The following CD99L2 variants were observed in gnomAD, a reference collection of about 807,000 sequenced individuals.
CD99L2 encodes CD99 molecule like 2.
Under a neutral mutation model 27.3 loss-of-function variants are expected in CD99L2, and 24 were observed. That is an observed-to-expected ratio of 0.88 (90% CI 0.64 to 1.24). CD99L2 has a LOEUF of 1.24. CD99L2 is among the 50% of genes most tolerant of loss of function. The pLI, the probability that CD99L2 is intolerant of heterozygous loss-of-function variation, is 0.00. For synonymous variants in CD99L2, 97 were observed against 87.9 expected (o/e 1.10, Z -0.58); for missense variants, 255 against 221.6 (o/e 1.15, Z -0.96).
intron 1 of CD99L2, among the ~76,000 whole-genome samples, chrX:150,878,047 A>C (rs905965099): frequency 3.1e-4 from 33 of 108,133 alleles, no homozygotes; most frequent in Non-Finnish European, 5.2e-4. Context: ...CTTAGAGAAC[A>C]TAGTAGGGGG....
intron 1 of CD99L2, among the ~76,000 whole-genome samples, chrX:150,862,688 C>A (rs1216920289): frequency 9.0e-6 from 1 of 111,553 alleles, no homozygotes; most frequent in Non-Finnish European, 1.9e-5. Context: ...TGTCAACAAG[C>A]CTTTGCTGAG....
intron 1 of CD99L2, among the ~76,000 whole-genome samples, chrX:150,881,815 A>ATT (rs59133869): frequency 3.5e-3 from 311 of 89,354 alleles, no homozygotes; most frequent in African/African-American, 9.9e-3. Context: ...ACTCTTTCCA[A>ATT]TTTTTTTTTT....
At chrX:150,885,498 T>C (rs782264961) in intron 1 of CD99L2, among the ~76,000 whole-genome samples, 15 of 112,344 alleles carry the variant, frequency 1.3e-4, no homozygotes, top group Middle Eastern at 4.6e-3. Flanking sequence ...TAATGTGAAA[T>C]ACATATTTCA....
chrX:150,886,647 G>A lies in CD99L2; in HGVS notation c.67+11875C>T, dbSNP rs782112363. Among the ~76,000 whole-genome samples, 3 of 111,726 alleles carry A rather than the reference G, an allele frequency of 2.7e-5. No individual in the cohort carries two copies. In the East Asian group the frequency reaches 8.4e-4, roughly 31 times the overall value. On this transcript the variant is annotated intron_variant, in intron 1 of 10. Transcript: ENST00000370377. ...CGTGGTTCTCAACAAGGGGTGATTC[G>A]CCACCCCCCACCCCCTAGGGGACAC...
intron 2 of CD99L2, chrX:150,828,772 T>G (rs1426838256): frequency 4.5e-5 from 5 of 111,432 alleles, no homozygotes; most frequent in Non-Finnish European, 9.4e-5. Flanking sequence ...GGAAAACAGG[T>G]ACTATTATAA....
rs1323793037 is a variant in CD99L2 at position 150,898,653 on chromosome X, C to T, written c.-65G>A. 20 of 985,771 alleles carry T rather than the reference C, an allele frequency of 2.0e-5. No homozygotes were observed. The African/African-American group carries it at 3.7e-4, about 18-fold the overall frequency. The allele number at this position is 985,771 out of a possible 1,213,427, so 81.2% of individuals were successfully genotyped here. ...GCGCGAGAGCGCCCGAAGGGGAGGC[C>T]GAGGAGGAGCGGGAGGAGGAGCCCC... is the stretch of plus-strand genomic sequence containing the variant. On this transcript the variant is annotated 5_prime_UTR_variant, in exon 1 of 11. Transcript: ENST00000370377.
At chrX:150,819,772 T>G (rs1477937723) in intron 2 of CD99L2, among the ~76,000 whole-genome samples, 2 of 111,882 alleles carry the variant, frequency 1.8e-5, no homozygotes, top group Non-Finnish European at 3.8e-5. Flanking sequence ...GATAACTTCC[T>G]ATTAAAACAC....
intron 6 of CD99L2, 134 bp from the exon 7 acceptor site, chrX:150,793,890 G>A (rs1656276362): frequency 1.5e-5 from 7 of 472,344 alleles, no homozygotes; most frequent in Non-Finnish European, 2.4e-5. Context: ...AATTCTAAGA[G>A]GTCCCCCCAG....
At chrX:150,860,965 C>A (rs1459810204) in intron 1 of CD99L2, among the ~76,000 whole-genome samples, 1 of 108,629 alleles carries the variant, frequency 9.2e-6, no homozygotes, top group Non-Finnish European at 1.9e-5. Context: ...CACGGTGAAA[C>A]CCTGTCTCTA....
chrX:150,785,557 CT>C (rs1333994230), intron 7 of CD99L2, among the ~76,000 whole-genome samples: 71 of 111,475 alleles, frequency 6.4e-4, no homozygotes, highest in African/African-American at 2.3e-3. Flanking sequence ...CAGTGGATAA[CT>C]TTTGACAGAT....
At chrX:150,890,629 G>A (rs993255905) in intron 1 of CD99L2, among the ~76,000 whole-genome samples, 2 of 107,197 alleles carry the variant, frequency 1.9e-5, no homozygotes, top group African/African-American at 3.4e-5. Context: ...CCCCCACCTT[G>A]AGAGAGAGGG....
At chrX:150,854,738 C>G (rs984348068) in intron 1 of CD99L2, among the ~76,000 whole-genome samples, 1 of 111,150 alleles carries the variant, frequency 9.0e-6, no homozygotes, top group Admixed American at 9.6e-5. Flanking sequence ...TCTCACAACC[C>G]TCAGAAGGAA....
chrX:150,850,985 G>A lies in CD99L2; in HGVS notation c.68-19692C>T, dbSNP rs149018526. On this transcript the variant is annotated intron_variant, in intron 1 of 10. Transcript: ENST00000370377. Reference sequence around the variant, plus strand: ...CCCAAGAAGCTGGGATTACAGGCACGTGCCACGGCACGCGGCTAATTTTTT... The same window carrying A: ...CCCAAGAAGCTGGGATTACAGGCACATGCCACGGCACGCGGCTAATTTTTT... 9.5e-3 allele frequency among the ~76,000 whole-genome samples: 1,059 copies of A among 111,454 alleles called. 13 individuals carry two copies. The highest frequency in any genetic ancestry group is 0.032 in the African/African-American group (981 of 30,642).
chrX:150,819,577 A>C (rs1265960020), intron 2 of CD99L2, among the ~76,000 whole-genome samples: 1 of 111,946 alleles, frequency 8.9e-6, no homozygotes, highest in Non-Finnish European at 1.9e-5. Flanking sequence ...AAAAGAGGAA[A>C]GATCTCTTAA....
chrX:150,776,421 G>A, intron 8 of CD99L2, 128 bp from the exon 9 acceptor site: 1 of 767,191 alleles, frequency 1.3e-6, no homozygotes, highest in Non-Finnish European at 1.8e-6. Context: ...AAGCCAGCAG[G>A]AGAGGGCCAT....
At chrX:150,896,852 A>C (rs2047619488) in intron 1 of CD99L2, among the ~76,000 whole-genome samples, 1 of 112,329 alleles carries the variant, frequency 8.9e-6, no homozygotes. Context: ...GTGTGACCTA[A>C]GGCAAGTTAC....
intron 4 of CD99L2, among the ~76,000 whole-genome samples, chrX:150,811,280 C>G (rs1210215378): frequency 9.0e-6 from 1 of 111,276 alleles, no homozygotes; most frequent in African/African-American, 3.3e-5. Context: ...ACTTAAGACT[C>G]TACTTTCAGG....
At chrX:150,770,454 C>T in intron 9 of CD99L2, 85 bp from the exon 10 acceptor site, 2 of 902,618 alleles carry the variant, frequency 2.2e-6, no homozygotes, top group Non-Finnish European at 3.2e-6. Flanking sequence ...ACCAAGTCCT[C>T]TGCAGCTAAA....
At chrX:150,893,018 G>A (rs1458044054) in intron 1 of CD99L2, among the ~76,000 whole-genome samples, 1 of 111,715 alleles carries the variant, frequency 9.0e-6, no homozygotes. Context: ...CAGCTACTCA[G>A]TAGGCTGAGG....
Sources: gnomAD v4.1 joint callset for allele counts (sites outside exome capture counted in the v4.1 genomes callset) on GRCh38, gnomAD v4.1.1 for gene constraint, MANE v1.5 for transcripts, NCBI Gene and HGNC (gene_info 2026-07-23, HGNC 2026-07-21) for gene names.